Variants in CNTNAP2 observed in about 807,000 individuals in gnomAD.
CNTNAP2 encodes contactin associated protein 2.
CNTNAP2 carries 98 observed loss-of-function variants against 155.2 expected under a neutral mutation model. The ratio of observed to expected loss-of-function variants is 0.63; its 90% CI spans 0.54 to 0.75. The LOEUF is 0.75. CNTNAP2 is among the 30% of genes least tolerant of loss of function. The pLI, the probability that CNTNAP2 is intolerant of heterozygous loss-of-function variation, is 0.00. For synonymous variants in CNTNAP2, 651 were observed against 631.2 expected, an observed-to-expected ratio of 1.03 and a Z score of -0.47; for missense variants, 1,727 against 1,688.1, an observed-to-expected ratio of 1.02 and a Z score of -0.40.
chr7:146,559,914 C>T (rs926752144), intron 1 of CNTNAP2, among the ~76,000 whole-genome samples: 5 of 152,148 alleles, frequency 3.3e-5, no homozygotes, highest in African/African-American at 7.2e-5. Context: ...TTCCTACACA[C>T]CCACACACAT....
chr7:147,333,434 G>T (rs1282493474), intron 9 of CNTNAP2, among the ~76,000 whole-genome samples: 1 of 152,122 alleles, frequency 6.6e-6, no homozygotes, highest in Non-Finnish European at 1.5e-5. Context: ...TTAGTATATT[G>T]TCATTGAATG....
intron 1 of CNTNAP2, among the ~76,000 whole-genome samples, chr7:146,461,411 A>T (rs1032326802): frequency 2.0e-5 from 3 of 148,680 alleles, no homozygotes; most frequent in South Asian, 2.1e-4. Context: ...TCTCAAAAAA[A>T]AAAAATATAA....
At chr7:147,096,576 G>A (rs956324644) in intron 4 of CNTNAP2, among the ~76,000 whole-genome samples, 2 of 152,180 alleles carry the variant, frequency 1.3e-5, no homozygotes, top group African/African-American at 4.8e-5. Context: ...AGAACGACAT[G>A]ATATTTATAA....
chr7:146,432,018 G>T (rs1796180012), intron 1 of CNTNAP2, among the ~76,000 whole-genome samples: 1 of 151,978 alleles, frequency 6.6e-6, no homozygotes, highest in African/African-American at 2.4e-5. Context: ...CTCATCTTGT[G>T]GTCCTACTGA....
At chr7:146,579,724 C>T (rs1798581604) in intron 1 of CNTNAP2, among the ~76,000 whole-genome samples, 1 of 152,078 alleles carries the variant, frequency 6.6e-6, no homozygotes, top group African/African-American at 2.4e-5. Context: ...CACCCCCTCA[C>T]ATGAATCTAA....
intron 1 of CNTNAP2, among the ~76,000 whole-genome samples, chr7:146,300,345 G>A (rs1800585711): frequency 1.3e-5 from 2 of 151,370 alleles, no homozygotes; most frequent in Non-Finnish European, 3.0e-5. Context: ...TTTTTATGTG[G>A]TGGACATGAA....
chr7:147,456,074 A>G (rs1797913953), intron 10 of CNTNAP2, among the ~76,000 whole-genome samples: 1 of 152,148 alleles, frequency 6.6e-6, no homozygotes, highest in South Asian at 2.1e-4. Flanking sequence ...GTATATGACT[A>G]TATTTGTATA....
intron 13 of CNTNAP2, among the ~76,000 whole-genome samples, chr7:147,806,935 G>C (rs920176434): frequency 6.6e-6 from 1 of 152,126 alleles, no homozygotes; most frequent in African/African-American, 2.4e-5. Context: ...GTGTTTGGTA[G>C]CACAATAGGG....
chr7:146,904,567 G>C (rs1796078772), intron 3 of CNTNAP2, among the ~76,000 whole-genome samples: 1 of 152,078 alleles, frequency 6.6e-6, no homozygotes. Flanking sequence ...CGCCTCCCAG[G>C]TTCACGCCAT....
intron 15 of CNTNAP2, among the ~76,000 whole-genome samples, chr7:148,016,658 G>A (rs1401193822): frequency 6.6e-6 from 1 of 152,184 alleles, no homozygotes; most frequent in Admixed American, 6.5e-5. Context: ...AAAATACAGA[G>A]AAGTTTAAAG....
At chr7:147,093,737 T>G (rs1031373019) in intron 4 of CNTNAP2, among the ~76,000 whole-genome samples, 1 of 152,114 alleles carries the variant, frequency 6.6e-6, no homozygotes, top group African/African-American at 2.4e-5. Flanking sequence ...CTCCAAAGTC[T>G]CATCTAAATA....
At chr7:146,553,788 T>C (rs554064181) in intron 1 of CNTNAP2, among the ~76,000 whole-genome samples, 1 of 151,998 alleles carries the variant, frequency 6.6e-6, no homozygotes, top group Non-Finnish European at 1.5e-5. Flanking sequence ...AAAAAAAAAA[T>C]ACATTCATAC....
intron 4 of CNTNAP2, among the ~76,000 whole-genome samples, chr7:147,064,930 G>A (rs1263655889): frequency 2.0e-5 from 3 of 152,162 alleles, no homozygotes; most frequent in African/African-American, 7.2e-5. Context: ...GAAATAAGCT[G>A]ATGAAAGTGT....
At chr7:147,325,878 C>T (rs1009964340) in intron 9 of CNTNAP2, among the ~76,000 whole-genome samples, 1 of 152,104 alleles carries the variant, frequency 6.6e-6, no homozygotes, top group Admixed American at 6.5e-5. Context: ...AAACTAACTC[C>T]CTATTTCTTC....
chr7:147,851,005 A>T (rs562389976), intron 13 of CNTNAP2, among the ~76,000 whole-genome samples: 1 of 152,350 alleles, frequency 6.6e-6, no homozygotes, highest in East Asian at 1.9e-4. Flanking sequence ...ATGGGAAAAA[A>T]TTTTTGCAAT....
intron 13 of CNTNAP2, among the ~76,000 whole-genome samples, chr7:147,652,511 A>G (rs1211873743): frequency 2.0e-5 from 3 of 152,204 alleles, no homozygotes; most frequent in South Asian, 4.1e-4. Context: ...GGCATTTTAT[A>G]TATATTGGCT....
At chr7:146,199,945 A>C (rs1798833563) in intron 1 of CNTNAP2, among the ~76,000 whole-genome samples, 1 of 152,180 alleles carries the variant, frequency 6.6e-6, no homozygotes, top group Non-Finnish European at 1.5e-5. Context: ...AAAATAAACT[A>C]ATCCAAAAAG....
chr7:146,578,470 T>C lies in CNTNAP2; in HGVS notation c.98-195801T>C, dbSNP rs143101048. ...AACTAACATACATAAGAATATTATA[T>C]GCTGTTTATTTTTCAAATGAGGTAG... is the stretch of plus-strand genomic sequence containing the variant. On this transcript the variant is annotated intron_variant, in intron 1 of 23. Transcript: ENST00000361727. Among the ~76,000 whole-genome samples, 915 of 152,268 alleles carry C rather than the reference T, an allele frequency of 6.0e-3. 12 individuals are homozygous for C. Among genetic ancestry groups the C allele is most frequent in the Non-Finnish European group, 6.3e-3 (428 of 67,992 alleles).
intron 12 of CNTNAP2, among the ~76,000 whole-genome samples, chr7:147,609,300 G>T (rs6951986): frequency 0.018 from 2,750 of 152,288 alleles, 84 homozygotes; most frequent in African/African-American, 0.063. Context: ...GGGAGGCCGA[G>T]GTGGGCGGAC....
Sources: gnomAD v4.1 joint callset for allele counts (sites outside exome capture counted in the v4.1 genomes callset) on GRCh38, gnomAD v4.1.1 for gene constraint, MANE v1.5 for transcripts, NCBI Gene and HGNC (gene_info 2026-07-23, HGNC 2026-07-21) for gene names.